The following MTF1 variants were observed in gnomAD, a reference collection of about 807,000 sequenced individuals.
The protein encoded by MTF1 is MRE-binding transcription factor.
A neutral mutation model predicts 70.4 loss-of-function variants in MTF1; 22 were observed. The ratio of observed to expected loss-of-function variants is 0.31; its 90% CI spans 0.22 to 0.45. MTF1 has a LOEUF of 0.45. Among genes scored for constraint, MTF1 ranks in the 20% least tolerant of loss-of-function variants. The pLI, the probability that MTF1 is intolerant of heterozygous loss-of-function variation, is 1.00. For synonymous variants in MTF1, 333 were observed against 352.8 expected (o/e 0.94, Z 0.63); for missense variants, 649 against 922.0 (o/e 0.70, Z 3.83).
intron 7 of MTF1, 99 bp downstream of exon 7, chr1:37,832,146 A>T: frequency 1.3e-6 from 1 of 753,606 alleles, no homozygotes. Flanking sequence ...AATTAAATTT[A>T]GAAAACTTCA....
rs1640793387 is a variant in MTF1, at chr1:37,815,060, G to C, written c.*76C>G. The C allele has an allele frequency of 2.1e-5, 26 of 1,218,336 alleles. No homozygotes were observed. The highest frequency in any genetic ancestry group is 2.9e-5 in the Non-Finnish European group (25 of 862,454). The allele number at this position is 1,218,336 out of a possible 1,614,324, so 75.5% of individuals were successfully genotyped here. On this transcript the variant is annotated 3_prime_UTR_variant, in exon 11 of 11. Transcript: ENST00000373036. This position sits in a 1 kb window ranked among gnomAD's most constrained non-coding sequence, Gnocchi z 4.5. ...AGATTTCTTCATCCTTCAAATTTCT[G>C]ACCCATGATGGCAGGCATTGTACCT...
chr1:37,836,799 C>T (rs1173111309), intron 4 of MTF1, among the ~76,000 whole-genome samples: 2 of 152,136 alleles, frequency 1.3e-5, no homozygotes, highest in African/African-American at 4.8e-5. Context: ...TTCTCTAAAG[C>T]ATTTTCATTT....
At chr1:37,817,991 G>C (rs1640845586) in intron 9 of MTF1, among the ~76,000 whole-genome samples, 1 of 152,216 alleles carries the variant, frequency 6.6e-6, no homozygotes, top group Admixed American at 6.5e-5. Context: ...ATAGTTCAAG[G>C]GTGGGCCCTG....
chr1:37,822,036 T>A (rs1444126527), intron 9 of MTF1, 85 bp downstream of exon 9: 1 of 1,128,818 alleles, frequency 8.9e-7, no homozygotes, highest in African/African-American at 1.6e-5. Context: ...GACAGCCACT[T>A]TTCTTTTTGA....
At position 37,859,434 on chromosome 1, in the gene MTF1, A is replaced by T. The variant is rs1483748797; in HGVS notation, c.-52+97T>A. The T allele has an allele frequency of 2.3e-5, 9 of 398,510 alleles. No individual in the cohort carries two copies. The East Asian group carries it at 3.2e-4, about 14-fold the overall frequency. 24.7% of individuals were successfully genotyped at this position (398,510 alleles called of 1,614,324 possible). A position where few individuals can be genotyped will look rare whatever the true frequency, so the allele number is the denominator to read the frequency against. Reference sequence around the variant, plus strand: ...GGGGTGGGGTCCCTATGGTGACCAAACTGAGGTCTCTATTGGGAAATGCTT... The same window carrying T: ...GGGGTGGGGTCCCTATGGTGACCAATCTGAGGTCTCTATTGGGAAATGCTT... On this transcript the variant is annotated intron_variant, in intron 1 of 10. Coordinates refer to ENST00000373036, the MANE Select transcript of MTF1 (RefSeq NM_005955.3).
intron 2 of MTF1, among the ~76,000 whole-genome samples, chr1:37,845,445 G>A (rs958390911): frequency 6.6e-6 from 1 of 152,086 alleles, no homozygotes; most frequent in African/African-American, 2.4e-5. Flanking sequence ...GGGAGGGGGC[G>A]GATAGCAAGT....
intron 2 of MTF1, among the ~76,000 whole-genome samples, chr1:37,856,241 G>C (rs576050806): frequency 4.3e-4 from 52 of 120,336 alleles, no homozygotes; most frequent in African/African-American, 1.5e-3. Context: ...GCAGTGGCAC[G>C]ATCTTGGCTC....
At chr1:37,831,896 A>G (rs1371811216) in intron 7 of MTF1, among the ~76,000 whole-genome samples, 2 of 152,232 alleles carry the variant, frequency 1.3e-5, no homozygotes, top group Non-Finnish European at 2.9e-5. Flanking sequence ...GTCTTACAGT[A>G]CTAGACTTTA....
intron 4 of MTF1, among the ~76,000 whole-genome samples, chr1:37,837,286 G>A (rs973603342): frequency 4.6e-5 from 7 of 151,882 alleles, no homozygotes; most frequent in African/African-American, 1.7e-4. Flanking sequence ...TGAACTCCTG[G>A]GCTCAAGTGA....
rs1467928539 is a variant in MTF1 at position 37,822,451 on chromosome 1, A to G, written c.1437T>C (p.Ala479=). 11 of 1,614,006 alleles carry G rather than the reference A, an allele frequency of 6.8e-6. No individual in the cohort carries two copies. Among genetic ancestry groups the G allele is most frequent in the Admixed American group, 6.7e-5 (4 of 59,982 alleles). Reference sequence around the variant, plus strand: ...GCGGAAGAAACTCTTGATGATTAGCAGCAAACTGTGTGCTGTGGGGAACAG... The same window carrying G: ...GCGGAAGAAACTCTTGATGATTAGCGGCAAACTGTGTGCTGTGGGGAACAG... ...EVPVPHSTQF[A]ANHQEFLPHP... is the part of the protein sequence containing the mutation. Residue 479 remains alanine (A), a synonymous_variant, in exon 9 of 11, where the codon GCT becomes GCC. Transcript: ENST00000373036.
At chr1:37,838,796 T>TA in intron 3 of MTF1, 40 bp from the exon 4 acceptor site, 100 of 1,294,898 alleles carry the variant, frequency 7.7e-5, no homozygotes, top group Non-Finnish European at 9.5e-5. Flanking sequence ...GTCATAAAAT[T>TA]CTTTTTTTTT....
intron 2 of MTF1, among the ~76,000 whole-genome samples, chr1:37,848,345 C>A (rs137891621): frequency 1.9e-4 from 29 of 152,278 alleles, no homozygotes; most frequent in African/African-American, 6.7e-4. Context: ...ATTTCTATTT[C>A]AATTTTATAA....
chr1:37,845,801 C>T (rs776662518), intron 2 of MTF1, among the ~76,000 whole-genome samples: 16 of 152,112 alleles, frequency 1.1e-4, no homozygotes, highest in Non-Finnish European at 2.2e-4. Flanking sequence ...CCACCACACC[C>T]GGCCTGAAAA....
chr1:37,826,758 C>T (rs1422226518), intron 7 of MTF1, among the ~76,000 whole-genome samples: 1 of 152,044 alleles, frequency 6.6e-6, no homozygotes, highest in African/African-American at 2.4e-5. Flanking sequence ...GCAGGCAGAT[C>T]GCTTGAGGTC....
chr1:37,840,565 A>G lies in MTF1; in HGVS notation c.409-407T>C, dbSNP rs958373562. The G allele has an allele frequency of 4.5e-6, 2 of 445,422 alleles. No individual in the cohort carries two copies. The highest frequency in any genetic ancestry group is 8.9e-6 in the Non-Finnish European group (2 of 225,038). 27.6% of individuals were successfully genotyped at this position (445,422 alleles called of 1,614,324 possible). On this transcript the variant is annotated intron_variant, in intron 2 of 10. Coordinates refer to ENST00000373036, the MANE Select transcript of MTF1 (RefSeq NM_005955.3). The surrounding 1 kb of genome is among the most constrained non-coding windows in gnomAD (Gnocchi z 4.5). Reference sequence around the variant, plus strand: ...GATTGGAATTACCAATATTAAATTGAGTTTAAAACATCTGGAAATTTACAT... The same window carrying G: ...GATTGGAATTACCAATATTAAATTGGGTTTAAAACATCTGGAAATTTACAT...
chr1:37,822,029 A>G, intron 9 of MTF1, 92 bp downstream of exon 9: 1 of 1,008,994 alleles, frequency 9.9e-7, no homozygotes, highest in Non-Finnish European at 1.4e-6. Context: ...TGGATATGAC[A>G]GCCACTTTTC....
At chr1:37,837,376 A>G (rs1641185996) in intron 4 of MTF1, among the ~76,000 whole-genome samples, 1 of 152,190 alleles carries the variant, frequency 6.6e-6, no homozygotes, top group Admixed American at 6.5e-5. Context: ...GGCATCTAAG[A>G]GTTGACTGTC....
At chr1:37,858,702 A>T (rs557074251) in intron 1 of MTF1, among the ~76,000 whole-genome samples, 2 of 152,334 alleles carry the variant, frequency 1.3e-5, no homozygotes, top group Admixed American at 1.3e-4. Context: ...ATAAGAGTTC[A>T]GGAAATGTCA....
At chr1:37,848,888 A>G (rs1641372730) in intron 2 of MTF1, among the ~76,000 whole-genome samples, 1 of 152,124 alleles carries the variant, frequency 6.6e-6, no homozygotes, top group Non-Finnish European at 1.5e-5. Flanking sequence ...AGTCAACAAC[A>G]TCTTGGTTTG....
Sources: allele counts gnomAD v4.1 joint callset (sites outside exome capture counted in the v4.1 genomes callset), GRCh38; gene constraint gnomAD v4.1.1; non-coding constraint Gnocchi (gnomAD v3.1); transcripts MANE v1.5; gene names NCBI Gene and HGNC (gene_info 2026-07-23, HGNC 2026-07-21).